The following SLC15A2 variants were observed in gnomAD, a reference collection of about 807,000 sequenced individuals.
SLC15A2 encodes the protein kidney H(+)/peptide cotransporter.
SLC15A2 carries 77 observed loss-of-function variants against 95.5 expected under a neutral mutation model. That is an observed-to-expected ratio of 0.81 (90% CI 0.67 to 0.97). The LOEUF is 0.97. Among genes scored for constraint, SLC15A2 ranks in the 50% least tolerant of loss-of-function variants. The pLI is 0.00. For missense variants in SLC15A2, 893 were observed against 874.4 expected, an observed-to-expected ratio of 1.02 and a Z score of -0.27; for synonymous variants, 306 against 306.9, an observed-to-expected ratio of 1.00 and a Z score of 0.03.
At chr3:121,922,605 G>C (rs1196133998) in intron 8 of SLC15A2, among the ~76,000 whole-genome samples, 170 bp from the exon 9 acceptor site, 1 of 152,106 alleles carries the variant, frequency 6.6e-6, no homozygotes, top group Non-Finnish European at 1.5e-5. Context: ...CTTTCTTAAA[G>C]TGATAGATAA....
chr3:121,899,586 T>G (rs1020432960), intron 3 of SLC15A2, among the ~76,000 whole-genome samples: 1 of 152,176 alleles, frequency 6.6e-6, no homozygotes, highest in African/African-American at 2.4e-5. Context: ...CACTCTTCAT[T>G]ATCAGTTCTT....
At chr3:121,896,576 C>T in intron 2 of SLC15A2, 83 bp downstream of exon 2, 2 of 1,066,320 alleles carry the variant, frequency 1.9e-6, no homozygotes, top group Non-Finnish European at 2.9e-6. Flanking sequence ...TCTTTATATG[C>T]ACTTATTTCC....
intron 4 of SLC15A2, 141 bp downstream of exon 4, chr3:121,911,807 C>A: frequency 1.5e-6 from 1 of 646,090 alleles, no homozygotes; most frequent in Non-Finnish European, 2.7e-6. Context: ...AGTCTTATGA[C>A]CAGTTGAACT....
chr3:121,936,664 A>G (rs1710354708), intron 19 of SLC15A2, among the ~76,000 whole-genome samples: 1 of 150,914 alleles, frequency 6.6e-6, no homozygotes, highest in Non-Finnish European at 1.5e-5. Context: ...GTGTCTCTGC[A>G]CGTGAGATGG....
At chr3:121,910,841 C>T (rs1189231068) in intron 3 of SLC15A2, among the ~76,000 whole-genome samples, 2 of 152,140 alleles carry the variant, frequency 1.3e-5, no homozygotes, top group African/African-American at 2.4e-5. Context: ...GTTCCTTATT[C>T]TTCTACTTTC....
chr3:121,896,320 A>C, intron 1 of SLC15A2, 86 bp from the exon 2 acceptor site: 1 of 1,044,910 alleles, frequency 9.6e-7, no homozygotes, highest in Non-Finnish European at 1.5e-6. Context: ...ATTTGAAATA[A>C]ATGAATTTTT....
chr3:121,941,053 G>C lies in SLC15A2; in HGVS notation c.*46G>C. ...TGACCCCAATTCCTGGCCCTGTCTT[G>C]AAGCATTTTTTTTCTTCTACTGGAT... On this transcript the variant is annotated 3_prime_UTR_variant, in exon 22 of 22. Transcript: ENST00000489711. 1.9e-6 allele frequency: 3 copies of C among 1,563,176 alleles called. No individual in the cohort carries two copies. The highest frequency in any genetic ancestry group is 2.6e-6 in the Non-Finnish European group (3 of 1,154,564).
At chr3:121,927,188 G>A (rs1168927312) in intron 13 of SLC15A2, among the ~76,000 whole-genome samples, 4 of 152,192 alleles carry the variant, frequency 2.6e-5, no homozygotes, top group African/African-American at 4.8e-5. Flanking sequence ...GGAACTATTG[G>A]GAAGATATAA....
intron 19 of SLC15A2, among the ~76,000 whole-genome samples, chr3:121,938,356 C>T (rs904241200): frequency 2.6e-5 from 4 of 152,244 alleles, no homozygotes; most frequent in African/African-American, 7.2e-5. Flanking sequence ...GGGCGCCCCT[C>T]CCCCAGCCTC....
intron 6 of SLC15A2, 115 bp from the exon 7 acceptor site, chr3:121,915,501 G>A (rs1052413950): frequency 3.4e-5 from 29 of 843,794 alleles, no homozygotes; most frequent in Middle Eastern, 4.5e-4. Flanking sequence ...AGGAAAGAGG[G>A]TGGTTATGTC....
At chr3:121,900,496 C>A (rs1207915197) in intron 3 of SLC15A2, among the ~76,000 whole-genome samples, 1 of 152,214 alleles carries the variant, frequency 6.6e-6, no homozygotes, top group Admixed American at 6.5e-5. Flanking sequence ...CATTACTACT[C>A]TGCTCAGCAA....
At chr3:121,934,065 A>G (rs1270482584) in intron 19 of SLC15A2, among the ~76,000 whole-genome samples, 1 of 151,738 alleles carries the variant, frequency 6.6e-6, no homozygotes, top group South Asian at 2.1e-4. Context: ...CAAAGATCAG[A>G]TAGTTGTAGA....
rs1186693710 is a variant in SLC15A2 at position 121,941,418 on chromosome 3, A to G, written c.*411A>G. The G allele has an allele frequency of 1.3e-5, 2 of 154,966 alleles. No individual in the cohort carries two copies. The highest frequency in any genetic ancestry group is 4.8e-5 in the African/African-American group (2 of 41,396). The allele number at this position is 154,966 out of a possible 1,614,324, so 9.6% of individuals were successfully genotyped here. ...AATTGCAGAATAACAAAGAAATGGT[A>G]TTTCAAGTTTTTTTTTTTATAAGCA... On this transcript the variant is annotated 3_prime_UTR_variant, in exon 22 of 22. Transcript: ENST00000489711.
At chr3:121,928,927 C>T (rs2107603276) in intron 15 of SLC15A2, 55 bp from the exon 16 acceptor site, 1 of 1,577,340 alleles carries the variant, frequency 6.3e-7, no homozygotes, top group Non-Finnish European at 8.6e-7. Context: ...ATCGTGATGT[C>T]CAATATGCAG....
At chr3:121,925,066 T>G in intron 13 of SLC15A2, 33 bp downstream of exon 13, 1 of 1,393,830 alleles carries the variant, frequency 7.2e-7, no homozygotes, top group Non-Finnish European at 1.0e-6. Context: ...TGGATTACTC[T>G]AAATTGACTC....
At chr3:121,913,257 A>G in intron 5 of SLC15A2, 137 bp downstream of exon 5, 1 of 628,624 alleles carries the variant, frequency 1.6e-6, no homozygotes, top group South Asian at 2.3e-5. Flanking sequence ...AATGCTGGAT[A>G]CTGGCCATTA....
intron 3 of SLC15A2, among the ~76,000 whole-genome samples, chr3:121,902,990 T>C (rs1709548920): frequency 6.6e-6 from 1 of 152,238 alleles, no homozygotes; most frequent in Admixed American, 6.5e-5. Flanking sequence ...AGTGTTCCTA[T>C]TTCTCCACAT....
At chr3:121,908,120 T>TC (rs1481064014) in intron 3 of SLC15A2, among the ~76,000 whole-genome samples, 1 of 152,222 alleles carries the variant, frequency 6.6e-6, no homozygotes, top group Non-Finnish European at 1.5e-5. Flanking sequence ...GGCTGCTGCC[T>TC]CGTGGGTCGA....
intron 3 of SLC15A2, among the ~76,000 whole-genome samples, chr3:121,902,365 T>A (rs1270019953): frequency 2.0e-5 from 3 of 152,162 alleles, no homozygotes; most frequent in Non-Finnish European, 2.9e-5. Flanking sequence ...TTTTAATTTT[T>A]ATTTTTTATT....
Sources: allele counts gnomAD v4.1 joint callset (sites outside exome capture counted in the v4.1 genomes callset), GRCh38; gene constraint gnomAD v4.1.1; transcripts MANE v1.5; gene names NCBI Gene and HGNC (gene_info 2026-07-23, HGNC 2026-07-21).